Variants in CSF2RB observed in about 807,000 individuals in gnomAD.
CSF2RB encodes cytokine receptor common subunit beta.
Under a neutral mutation model 67.2 loss-of-function variants are expected in CSF2RB, and 22 were observed. The observed-to-expected ratio is 0.33, with a 90% CI of 0.23 to 0.47. The LOEUF (loss-of-function observed/expected upper bound fraction) is 0.47. Among genes scored for constraint, CSF2RB ranks in the 20% least tolerant of loss-of-function variants. The probability of loss-of-function intolerance (pLI) is 1.00; values close to 1 mark genes in which losing one functional copy is unlikely to be tolerated. For synonymous variants in CSF2RB, 507 were observed against 482.9 expected (o/e 1.05, Z -0.65); for missense variants, 1,113 against 1,174.5 (o/e 0.95, Z 0.76).
rs752179178 is a variant in CSF2RB, at chr22:36,926,191, G to A, written c.391+14G>A. On this transcript the variant is annotated intron_variant, in intron 4 of 13. Transcript: ENST00000403662. ...TGACCCAGCATGGTGAGGGGCTGGGGGCCCTGCCCGGGGCTTGGTTTCCTG... is the reference window on the plus strand; with the variant it reads ...TGACCCAGCATGGTGAGGGGCTGGGAGCCCTGCCCGGGGCTTGGTTTCCTG... 6.2e-7 allele frequency: 1 copy of A among 1,613,122 alleles called. No homozygotes were observed. Among genetic ancestry groups the A allele is most frequent in the South Asian group, 1.1e-5 (1 of 91,056 alleles).
At chr22:36,929,062 G>A (rs1174648470) in intron 4 of CSF2RB, among the ~76,000 whole-genome samples, 1 of 152,188 alleles carries the variant, frequency 6.6e-6, no homozygotes, top group South Asian at 2.1e-4. Context: ...TGAACCGCAG[G>A]CCCCTCTGCT....
In CSF2RB at chr22:36,937,875, G is replaced by A; in HGVS notation, c.2067G>A (p.Lys689=). The A allele has an allele frequency of 6.2e-7, 1 of 1,614,126 alleles. No homozygotes were observed. The highest frequency in any genetic ancestry group is 8.5e-7 in the Non-Finnish European group (1 of 1,179,984). Residue 689 remains lysine (K), a synonymous_variant, in exon 14 of 14, where the codon AAG becomes AAA. Transcript: ENST00000403662. This position sits in a 1 kb window ranked among gnomAD's most constrained non-coding sequence, Gnocchi z 4.6. ...LGPRVGGQDQ[K]DSPVAIPMSS... ...CAAGGGTGGGAGGACAGGACCAAAAGGACAGCCCTGTGGCTATACCCATGA... is the reference window on the plus strand; with the variant it reads ...CAAGGGTGGGAGGACAGGACCAAAAAGACAGCCCTGTGGCTATACCCATGA...
In CSF2RB at chr22:36,922,261, G is replaced by A; in HGVS notation, c.54G>A (p.Glu18=). 1 of 1,580,884 alleles carries A rather than the reference G, an allele frequency of 6.3e-7. No homozygotes were observed. The highest frequency in any genetic ancestry group is 8.6e-7 in the Non-Finnish European group (1 of 1,163,774). The change falls in exon 2 of 14, where the codon GAG becomes GAA. Residue 18 remains glutamate (E), a synonymous_variant. Coordinates refer to ENST00000403662, the MANE Select transcript of CSF2RB (RefSeq NM_000395.3). ...TGGCCCTGCTGGCCCTGTGCTGGGA[G>A]CGCAGCCTGGCAGGGGCAGAAGGTG... ...LSMALLALCW[E]RSLAGAEETI...
intron 2 of CSF2RB, chr22:36,922,701 C>T: frequency 3.1e-6 from 1 of 325,642 alleles, no homozygotes; most frequent in Non-Finnish European, 5.9e-6. Context: ...GTGCCTGAAG[C>T]CCGCACTGGG....
rs1300249979 is a variant in CSF2RB, at chr22:36,937,880, GCC to G, written c.2074_2075del (p.Pro692CysfsTer11). The G allele has an allele frequency of 1.9e-6, 3 of 1,614,138 alleles. No individual in the cohort carries two copies. Among genetic ancestry groups the G allele is most frequent in the Admixed American group, 1.7e-5 (1 of 60,028 alleles). On this transcript the variant is annotated frameshift_variant, in exon 14 of 14. Transcript: ENST00000403662. LOFTEE classifies it low-confidence loss of function (END_TRUNC). The surrounding 1 kb of genome is among the most constrained non-coding windows in gnomAD (Gnocchi z 4.6). Reference sequence around the variant, plus strand: ...GTGGGAGGACAGGACCAAAAGGACAGCCCTGTGGCTATACCCATGAGCTCTGG... The same window carrying G: ...GTGGGAGGACAGGACCAAAAGGACAGCTGTGGCTATACCCATGAGCTCTGG...
At chr22:36,914,325 C>T (rs1940666697) in intron 1 of CSF2RB, among the ~76,000 whole-genome samples, 1 of 152,058 alleles carries the variant, frequency 6.6e-6, no homozygotes, top group African/African-American at 2.4e-5. Context: ...GCTTGAGAAG[C>T]TCACTTTGAA....
At chr22:36,934,023 T>A in intron 10 of CSF2RB, 29 bp downstream of exon 10, 1 of 1,610,206 alleles carries the variant, frequency 6.2e-7, no homozygotes, top group South Asian at 1.1e-5. Context: ...CCAGAGCTTC[T>A]GGCCAGGACC....
chr22:36,931,035 C>G (rs969784567), intron 8 of CSF2RB, among the ~76,000 whole-genome samples: 1 of 152,244 alleles, frequency 6.6e-6, no homozygotes, highest in African/African-American at 2.4e-5. Context: ...TTTAAAACCT[C>G]TGATCTCTTG....
At chr22:36,930,866 G>T (rs1327105834) in intron 8 of CSF2RB, 36 bp downstream of exon 8, 2 of 1,611,986 alleles carry the variant, frequency 1.2e-6, no homozygotes, top group Admixed American at 3.3e-5. Flanking sequence ...GGGATGGTCT[G>T]GGACCAGCAC....
intron 3 of CSF2RB, among the ~76,000 whole-genome samples, chr22:36,924,513 C>A (rs1305634261): frequency 6.6e-6 from 1 of 152,174 alleles, no homozygotes; most frequent in Non-Finnish European, 1.5e-5. Flanking sequence ...ACCTGGCAAC[C>A]CTGCGGCCCC....
In CSF2RB at chr22:36,923,290, C is replaced by T. The variant is rs756196738; in HGVS notation, c.123C>T (p.Ser41=). ...TGCGCTGCTACAACGACTACACCAG[C>T]CACATCACCTGCAGGTGGGCAGACA... is the stretch of plus-strand genomic sequence containing the variant. ...QTLRCYNDYT[S]HITCRWADTQ... The change falls in exon 3 of 14, where the codon AGC becomes AGT. Residue 41 remains serine, a synonymous_variant. Coordinates refer to ENST00000403662, the MANE Select transcript of CSF2RB (RefSeq NM_000395.3). 1 of 1,614,228 alleles carries T rather than the reference C, an allele frequency of 6.2e-7. No individual in the cohort carries two copies.
chr22:36,919,213 G>A (rs901020571), intron 1 of CSF2RB, among the ~76,000 whole-genome samples: 2 of 152,190 alleles, frequency 1.3e-5, no homozygotes, highest in African/African-American at 4.8e-5. Flanking sequence ...CTAGGTAGCT[G>A]ACATTGTCTG....
chr22:36,920,752 T>C (rs1940840217), intron 1 of CSF2RB, among the ~76,000 whole-genome samples: 1 of 152,244 alleles, frequency 6.6e-6, no homozygotes, highest in Non-Finnish European at 1.5e-5. Context: ...AGGCATTCAC[T>C]CCTCTGGTTT....
At chr22:36,935,788 T>C (rs1328971784) in intron 12 of CSF2RB, 101 bp downstream of exon 12, 6 of 1,304,334 alleles carry the variant, frequency 4.6e-6, no homozygotes, top group Non-Finnish European at 6.5e-6. Flanking sequence ...CTTTGGGTGG[T>C]AGGGATGTAG....
intron 12 of CSF2RB, among the ~76,000 whole-genome samples, 191 bp from the exon 13 acceptor site, chr22:36,936,358 T>C (rs903663470): frequency 2.0e-5 from 3 of 152,056 alleles, no homozygotes; most frequent in African/African-American, 4.8e-5. Flanking sequence ...AGCAGGGACA[T>C]GGGGGAAGTC....
chr22:36,938,539 G>T lies in CSF2RB; in HGVS notation c.*37G>T. 6.3e-7 allele frequency: 1 copy of T among 1,576,526 alleles called. No homozygotes were observed. The highest frequency in any genetic ancestry group is 8.6e-7 in the Non-Finnish European group (1 of 1,159,722). Reference sequence around the variant, plus strand: ...CTAGACAGGCAAGGGGATGGAGAGGGCTTGCCTTCCCTCCCGCCTGACCTT... The same window carrying T: ...CTAGACAGGCAAGGGGATGGAGAGGTCTTGCCTTCCCTCCCGCCTGACCTT... On this transcript the variant is annotated 3_prime_UTR_variant, in exon 14 of 14. Coordinates refer to ENST00000403662, the MANE Select transcript of CSF2RB (RefSeq NM_000395.3).
chr22:36,915,809 A>G (rs1940705003), intron 1 of CSF2RB, among the ~76,000 whole-genome samples: 1 of 152,136 alleles, frequency 6.6e-6, no homozygotes, highest in African/African-American at 2.4e-5. Flanking sequence ...ATTTTGTCCA[A>G]TATTATGTAT....
intron 12 of CSF2RB, 120 bp downstream of exon 12, chr22:36,935,807 G>C (rs1457197655): frequency 2.6e-6 from 3 of 1,145,196 alleles, no homozygotes; most frequent in Non-Finnish European, 3.8e-6. Context: ...AGGTGGACTG[G>C]GCTTTGGGAG....
chr22:36,934,052 G>T, intron 10 of CSF2RB, 58 bp downstream of exon 10: 1 of 1,599,372 alleles, frequency 6.3e-7, no homozygotes. Flanking sequence ...GTTTCTCACT[G>T]CCAGAAAATC....
Sources: allele counts gnomAD v4.1 joint callset (sites outside exome capture counted in the v4.1 genomes callset), GRCh38; gene constraint gnomAD v4.1.1; non-coding constraint Gnocchi (gnomAD v3.1); transcripts MANE v1.5; gene names NCBI Gene and HGNC (gene_info 2026-07-23, HGNC 2026-07-21).